KCNQ5: variants seen among roughly 807,000 people sequenced by gnomAD.
KCNQ5 encodes the protein potassium voltage-gated channel subfamily KQT member 5.
KCNQ5 carries 30 observed loss-of-function variants against 98.2 expected under a neutral mutation model. The ratio of observed to expected loss-of-function variants is 0.31; its 90% CI spans 0.23 to 0.41. KCNQ5 has a LOEUF of 0.41. Among genes scored for constraint, KCNQ5 ranks in the 10% least tolerant of loss-of-function variants. The pLI, the probability that KCNQ5 is intolerant of heterozygous loss-of-function variation, is 1.00. For missense variants in KCNQ5, 835 were observed against 1,182.5 expected (o/e 0.71, Z 4.31); for synonymous variants, 458 against 449.4 (o/e 1.02, Z -0.24).
At chr6:72,764,348 T>C (rs1772452361) in intron 1 of KCNQ5, among the ~76,000 whole-genome samples, 1 of 152,042 alleles carries the variant, frequency 6.6e-6, no homozygotes, top group Admixed American at 6.6e-5. Flanking sequence ...GAATATAAAC[T>C]ATTTGGTGTG....
chr6:73,020,745 C>A (rs1373399102), intron 2 of KCNQ5, among the ~76,000 whole-genome samples: 1 of 152,278 alleles, frequency 6.6e-6, no homozygotes, highest in Non-Finnish European at 1.5e-5. Context: ...ACACTTATCA[C>A]TTTGAAGATT....
intron 10 of KCNQ5, among the ~76,000 whole-genome samples, chr6:73,156,013 G>A (rs1363538575): frequency 6.6e-6 from 1 of 152,158 alleles, no homozygotes; most frequent in Non-Finnish European, 1.5e-5. Context: ...ATGAAATTGT[G>A]CTACTGCATC....
At chr6:72,852,052 AAATT>A (rs1234808059) in intron 1 of KCNQ5, among the ~76,000 whole-genome samples, 1 of 152,138 alleles carries the variant, frequency 6.6e-6, no homozygotes, top group African/African-American at 2.4e-5. Flanking sequence ...TTCTTCAGTA[AAATT>A]AATTAATAAA....
intron 1 of KCNQ5, among the ~76,000 whole-genome samples, chr6:72,767,082 G>T (rs1247253286): frequency 6.6e-6 from 1 of 152,020 alleles, no homozygotes; most frequent in Non-Finnish European, 1.5e-5. Context: ...TTCAACAACC[G>T]AGTGGATAGG....
At chr6:72,973,285 C>G (rs1042503939) in intron 1 of KCNQ5, among the ~76,000 whole-genome samples, 1 of 129,956 alleles carries the variant, frequency 7.7e-6, no homozygotes, top group Non-Finnish European at 1.6e-5. Flanking sequence ...AATCTTTGCA[C>G]CTTCCTCTCA....
At chr6:72,650,534 C>G (rs1376859865) in intron 1 of KCNQ5, among the ~76,000 whole-genome samples, 1 of 152,052 alleles carries the variant, frequency 6.6e-6, no homozygotes. Context: ...TTTTCCTCTG[C>G]CAGGAGAGTA....
chr6:72,876,402 A>G (rs562109270), intron 1 of KCNQ5, among the ~76,000 whole-genome samples: 7 of 152,198 alleles, frequency 4.6e-5, no homozygotes, highest in Admixed American at 2.0e-4. Flanking sequence ...TCAAACACCC[A>G]GGAAGCAGAC....
chr6:72,974,591 T>C (rs1366528825), intron 1 of KCNQ5, among the ~76,000 whole-genome samples: 1 of 152,150 alleles, frequency 6.6e-6, no homozygotes, highest in Non-Finnish European at 1.5e-5. Context: ...CAGAGTATCC[T>C]AAAACAACCA....
chr6:72,671,966 G>T (rs558319347), intron 1 of KCNQ5, among the ~76,000 whole-genome samples: 2 of 151,194 alleles, frequency 1.3e-5, no homozygotes, highest in Non-Finnish European at 2.9e-5. Context: ...ACAGGCACCC[G>T]CCACCACGCC....
chr6:72,653,551 A>C (rs565503756), intron 1 of KCNQ5, among the ~76,000 whole-genome samples: 1 of 152,154 alleles, frequency 6.6e-6, no homozygotes, highest in Admixed American at 6.6e-5. Flanking sequence ...CGTTCATTAA[A>C]AATATTTATT....
At chr6:73,138,169 G>A (rs539142199) in intron 10 of KCNQ5, among the ~76,000 whole-genome samples, 6 of 152,310 alleles carry the variant, frequency 3.9e-5, no homozygotes, top group African/African-American at 1.2e-4. Context: ...CCTGGAGGGA[G>A]GCCAATGGTA....
intron 1 of KCNQ5, among the ~76,000 whole-genome samples, chr6:72,927,708 C>T (rs139181016): frequency 6.6e-6 from 1 of 152,056 alleles, no homozygotes; most frequent in African/African-American, 2.4e-5. Flanking sequence ...ACATTACATA[C>T]TTTATTGCTT....
rs137962964 is a variant in KCNQ5 at position 73,089,037 on chromosome 6, G to A, written c.918+11150G>A. On this transcript the variant is annotated intron_variant, in intron 5 of 13. Coordinates refer to ENST00000370398, the MANE Select transcript of KCNQ5 (RefSeq NM_019842.4). The stretch of plus-strand genomic sequence containing the variant: ...TGTACTTTGCTTACAAAAACCTTCC[G>A]TCAGTATTTCTGGGCTGCAAAACAA... Among the ~76,000 whole-genome samples the A allele has an allele frequency of 3.8e-3, 574 of 152,128 alleles. 1 individual carries two copies. Among genetic ancestry groups the A allele is most frequent in the African/African-American group, 0.013 (536 of 41,488 alleles).
At chr6:72,967,295 G>A (rs1767664485) in intron 1 of KCNQ5, among the ~76,000 whole-genome samples, 1 of 152,002 alleles carries the variant, frequency 6.6e-6, no homozygotes, top group African/African-American at 2.4e-5. Context: ...TAATCAGTCT[G>A]TACACCCTTC....
intron 5 of KCNQ5, among the ~76,000 whole-genome samples, chr6:73,088,087 T>C (rs1774067035): frequency 1.3e-5 from 2 of 149,470 alleles, no homozygotes; most frequent in Non-Finnish European, 3.0e-5. Flanking sequence ...AATGGTGTGA[T>C]CTTGGCTCAC....
intron 2 of KCNQ5, among the ~76,000 whole-genome samples, chr6:73,025,548 G>T (rs1317934986): frequency 6.7e-6 from 1 of 149,282 alleles, no homozygotes; most frequent in African/African-American, 2.5e-5. Context: ...CACTTGAGCC[G>T]GGAGGCAAAG....
intron 9 of KCNQ5, among the ~76,000 whole-genome samples, chr6:73,131,104 A>G (rs1240231416): frequency 6.6e-6 from 1 of 152,180 alleles, no homozygotes; most frequent in East Asian, 1.9e-4. Flanking sequence ...CAATTTATTC[A>G]TAAGGTAATG....
At chr6:73,048,009 G>A (rs1249116262) in intron 3 of KCNQ5, among the ~76,000 whole-genome samples, 5 of 152,188 alleles carry the variant, frequency 3.3e-5, no homozygotes, top group Non-Finnish European at 5.9e-5. Flanking sequence ...TTTCTACCAT[G>A]TCCAAGCATG....
At chr6:72,906,746 G>C (rs1779715084) in intron 1 of KCNQ5, among the ~76,000 whole-genome samples, 1 of 152,214 alleles carries the variant, frequency 6.6e-6, no homozygotes, top group Non-Finnish European at 1.5e-5. Flanking sequence ...ACGGTATTTG[G>C]GGTGTCTTCC....
Sources: gnomAD v4.1 joint callset for allele counts (sites outside exome capture counted in the v4.1 genomes callset) on GRCh38, gnomAD v4.1.1 for gene constraint, MANE v1.5 for transcripts, NCBI Gene and HGNC (gene_info 2026-07-23, HGNC 2026-07-21) for gene names.